Variants in GPC5 observed in about 807,000 individuals in gnomAD.
The protein encoded by GPC5 is glypican 5.
GPC5 carries 47 observed loss-of-function variants against 53.9 expected under a neutral mutation model. The observed-to-expected ratio is 0.87, with a 90% CI of 0.69 to 1.11. The LOEUF is 1.11. Among genes scored for constraint, GPC5 ranks in the 50% most tolerant of loss-of-function variants. GPC5 has a pLI of 0.00. For missense variants in GPC5, 748 were observed against 713.1 expected (o/e 1.05, Z -0.56); for synonymous variants, 286 against 263.3 (o/e 1.09, Z -0.84).
intron 2 of GPC5, among the ~76,000 whole-genome samples, chr13:91,654,047 T>C (rs2034786102): frequency 6.6e-6 from 1 of 152,168 alleles, no homozygotes; most frequent in African/African-American, 2.4e-5. Context: ...GCATCTCTAA[T>C]GTGACTTAAG....
chr13:91,481,125 A>C (rs1883277382), intron 2 of GPC5, among the ~76,000 whole-genome samples: 1 of 152,194 alleles, frequency 6.6e-6, no homozygotes, highest in Non-Finnish European at 1.5e-5. Flanking sequence ...TGCCATGTGA[A>C]GAACATCCTT....
intron 7 of GPC5, among the ~76,000 whole-genome samples, chr13:92,483,315 T>C (rs1219399425): frequency 6.6e-6 from 1 of 152,224 alleles, no homozygotes; most frequent in Non-Finnish European, 1.5e-5. Flanking sequence ...GGCTACATGG[T>C]GGAGCCTTTT....
In GPC5 at chr13:92,751,324, A is replaced by AAC. The variant is rs573664564; in HGVS notation, c.1562-114957_1562-114956insCA. 5.0e-3 allele frequency among the ~76,000 whole-genome samples: 738 copies of AAC among 147,924 alleles called. 4 individuals are homozygous for AAC. Among genetic ancestry groups the AAC allele is most frequent in the Middle Eastern group, 0.018 (5 of 278 alleles). On this transcript the variant is annotated intron_variant, in intron 7 of 7. Transcript: ENST00000377067. Reference sequence around the variant, plus strand: ...CATTTAAAAAAAAAAAAAAAAAAAAAAAAAAAAAAAACCTTCCAACCTCAT... The same window carrying AAC: ...CATTTAAAAAAAAAAAAAAAAAAAAAACAAAAAAAAAAACCTTCCAACCTCAT...
intron 2 of GPC5, among the ~76,000 whole-genome samples, chr13:91,647,506 A>G (rs2034590551): frequency 6.6e-6 from 1 of 152,238 alleles, no homozygotes; most frequent in African/African-American, 2.4e-5. Flanking sequence ...GAGCTCTGAC[A>G]TCATTTCTGC....
rs145041430 is a variant in GPC5, at chr13:92,672,583, A to C, written c.1562-193699A>C. Among the ~76,000 whole-genome samples, 1,207 of 152,298 alleles carry C rather than the reference A, an allele frequency of 7.9e-3. 16 individuals are homozygous for C. Among genetic ancestry groups the C allele is most frequent in the African/African-American group, 0.027 (1,122 of 41,580 alleles). On this transcript the variant is annotated intron_variant, in intron 7 of 7. Coordinates refer to ENST00000377067, the MANE Select transcript of GPC5 (RefSeq NM_004466.6). ...TTATATTATAAAGACATATGCATGC[A>C]TATGCTCACTGCAGCACTATTCACA...
At chr13:92,311,389 A>G (rs2043144004) in intron 7 of GPC5, among the ~76,000 whole-genome samples, 1 of 152,206 alleles carries the variant, frequency 6.6e-6, no homozygotes, top group Non-Finnish European at 1.5e-5. Context: ...ACAACTACAT[A>G]CATTATTTAT....
At chr13:91,770,648 AT>A (rs2037605415) in intron 5 of GPC5, among the ~76,000 whole-genome samples, 1 of 151,620 alleles carries the variant, frequency 6.6e-6, no homozygotes, top group Admixed American at 6.6e-5. Context: ...AGACCTGAAA[AT>A]TATCCCAGTC....
intron 2 of GPC5, among the ~76,000 whole-genome samples, chr13:91,688,360 ATAGTT>A (rs913685230): frequency 1.3e-5 from 2 of 152,146 alleles, no homozygotes; most frequent in African/African-American, 4.8e-5. Flanking sequence ...GTATAGACCA[ATAGTT>A]TACAGTTTTT....
At chr13:92,051,334 T>C (rs2041027008) in intron 6 of GPC5, among the ~76,000 whole-genome samples, 1 of 151,520 alleles carries the variant, frequency 6.6e-6, no homozygotes, top group Non-Finnish European at 1.5e-5. Flanking sequence ...CCTGAGTAGC[T>C]GGAACTACAG....
At chr13:92,516,581 A>C (rs1880792121) in intron 7 of GPC5, among the ~76,000 whole-genome samples, 1 of 152,222 alleles carries the variant, frequency 6.6e-6, no homozygotes, top group African/African-American at 2.4e-5. Flanking sequence ...TAAAGCTGGT[A>C]AAGAAAATAG....
chr13:91,812,648 C>T (rs2038331668), intron 5 of GPC5, among the ~76,000 whole-genome samples: 2 of 152,118 alleles, frequency 1.3e-5, no homozygotes, highest in African/African-American at 4.8e-5. Context: ...TTGGTATATT[C>T]TTCAGTATTT....
chr13:91,908,076 T>C lies in GPC5; in HGVS notation c.1401+19T>C. The C allele has an allele frequency of 4.8e-6, 7 of 1,473,516 alleles. No individual in the cohort carries two copies. Among genetic ancestry groups the C allele is most frequent in the Non-Finnish European group, 5.4e-6 (6 of 1,116,004 alleles). The allele number at this position is 1,473,516 out of a possible 1,614,324, so 91.3% of individuals were successfully genotyped here. ...TGTTCAGGTAAGTCCTGATCCTATA[T>C]TTATTAGTATACTCAGTCATAAATA... On this transcript the variant is annotated intron_variant, in intron 6 of 7. Transcript: ENST00000377067.
At chr13:91,586,597 G>A (rs1314125465) in intron 2 of GPC5, among the ~76,000 whole-genome samples, 2 of 119,412 alleles carry the variant, frequency 1.7e-5, no homozygotes, top group Admixed American at 1.8e-4. Context: ...GAGAGGGAGA[G>A]GAAGTGCTAC....
intron 7 of GPC5, among the ~76,000 whole-genome samples, chr13:92,767,594 A>G (rs1168711985): frequency 1.3e-5 from 2 of 152,188 alleles, no homozygotes; most frequent in South Asian, 2.1e-4. Context: ...TCACATCTCA[A>G]TCCTTGTATT....
intron 1 of GPC5, among the ~76,000 whole-genome samples, chr13:91,409,733 G>T (rs1877585112): frequency 6.6e-6 from 1 of 152,058 alleles, no homozygotes; most frequent in African/African-American, 2.4e-5. Context: ...TTAGATTCAG[G>T]GGGAACATGT....
rs934625263 is a variant in GPC5 at position 92,146,628 on chromosome 13, G to A, written c.1561+1639G>A. 3.9e-5 allele frequency among the ~76,000 whole-genome samples: 6 copies of A among 152,078 alleles called. No individual in the cohort carries two copies. In the East Asian group the frequency reaches 9.6e-4, roughly 24 times the overall value. On this transcript the variant is annotated intron_variant, in intron 7 of 7. Coordinates refer to ENST00000377067, the MANE Select transcript of GPC5 (RefSeq NM_004466.6). The stretch of plus-strand genomic sequence containing the variant: ...ATCCATCATCTGAGCAGTATACATC[G>A]TACTCAATTTGTAGTCTTTTTTCTG...
intron 7 of GPC5, among the ~76,000 whole-genome samples, chr13:92,364,542 A>G (rs1449438646): frequency 6.6e-6 from 1 of 151,662 alleles, no homozygotes; most frequent in Non-Finnish European, 1.5e-5. Flanking sequence ...CATCCTGGCT[A>G]ACATGGTGAA....
At chr13:92,038,328 GT>G (rs1483462624) in intron 6 of GPC5, among the ~76,000 whole-genome samples, 4 of 150,316 alleles carry the variant, frequency 2.7e-5, no homozygotes, top group Non-Finnish European at 5.9e-5. Flanking sequence ...TAAGATTGGA[GT>G]TTATGAGCAT....
intron 7 of GPC5, among the ~76,000 whole-genome samples, chr13:92,481,576 C>A (rs1360891471): frequency 6.6e-6 from 1 of 152,142 alleles, no homozygotes; most frequent in Admixed American, 6.5e-5. Context: ...TTGCTTACAT[C>A]TCCCGTTCCA....
Sources: gnomAD v4.1 joint callset for allele counts (sites outside exome capture counted in the v4.1 genomes callset) on GRCh38, gnomAD v4.1.1 for gene constraint, MANE v1.5 for transcripts, NCBI Gene and HGNC (gene_info 2026-07-23, HGNC 2026-07-21) for gene names.